Variants in RERE observed in about 807,000 individuals in gnomAD.
RERE encodes the protein arginine-glutamic acid dipeptide repeats protein.
RERE carries 40 observed loss-of-function variants against 146.1 expected under a neutral mutation model. That is an observed-to-expected ratio of 0.27 (90% confidence interval 0.21 to 0.36). The LOEUF (loss-of-function observed/expected upper bound fraction) is 0.36. Among genes scored for constraint, RERE ranks in the 10% least tolerant of loss-of-function variants. The pLI is 1.00. For missense variants in RERE, 1,933 were observed against 2,138.7 expected (o/e 0.90, Z 1.90); for synonymous variants, 1,003 against 866.0 (o/e 1.16, Z -2.78).
chr1:8,559,338 A>G, intron 4 of RERE, among the ~76,000 whole-genome samples: 1 of 150,896 alleles, frequency 6.6e-6, no homozygotes, highest in South Asian at 2.1e-4. Context: ...CAAAGTAAAT[A>G]ACATAAATAC....
chr1:8,403,569 C>T (rs1570154099), intron 12 of RERE, among the ~76,000 whole-genome samples: 3 of 151,090 alleles, frequency 2.0e-5, no homozygotes, highest in South Asian at 4.2e-4. Flanking sequence ...TTTCACCATG[C>T]TGGCCAGGCT....
intron 2 of RERE, among the ~76,000 whole-genome samples, chr1:8,649,264 A>G (rs1647478330): frequency 6.8e-6 from 1 of 146,630 alleles, no homozygotes; most frequent in Non-Finnish European, 1.5e-5. Context: ...GACAATATAC[A>G]ATAGAGCCCC....
chr1:8,550,671 C>T (rs1270314430), intron 6 of RERE, among the ~76,000 whole-genome samples: 1 of 152,172 alleles, frequency 6.6e-6, no homozygotes, highest in Non-Finnish European at 1.5e-5. Context: ...CTCAGTCTCC[C>T]TAGTACCTGG....
At chr1:8,739,906 C>A (rs372006964) in intron 1 of RERE, among the ~76,000 whole-genome samples, 3 of 151,346 alleles carry the variant, frequency 2.0e-5, no homozygotes, top group African/African-American at 7.3e-5. Flanking sequence ...TTAATCCCCC[C>A]GTCCAGTTTT....
rs200223487 is a variant in RERE at position 8,639,204 on chromosome 1, A to AT, written c.326-14825_326-14824insA. On this transcript the variant is annotated intron_variant, in intron 2 of 22. Coordinates refer to ENST00000400908, the MANE Select transcript of RERE (RefSeq NM_001042681.2). ...TTAATCATTACAGAAGCTAAGTTAGAGAAACAACACTGAAAAGGGTGCTGG... is the reference window on the plus strand; with the variant it reads ...TTAATCATTACAGAAGCTAAGTTAGATGAAACAACACTGAAAAGGGTGCTGG... Among the ~76,000 whole-genome samples the AT allele has an allele frequency of 8.9e-3, 1,359 of 152,302 alleles. 18 individuals are homozygous for AT. The highest frequency in any genetic ancestry group is 0.031 in the African/African-American group (1,303 of 41,566).
intron 4 of RERE, among the ~76,000 whole-genome samples, chr1:8,589,298 G>T (rs190030825): frequency 6.6e-6 from 1 of 152,082 alleles, no homozygotes; most frequent in Non-Finnish European, 1.5e-5. Flanking sequence ...AATGTATTCA[G>T]GTATGGTGGT....
chr1:8,505,167 C>G (rs1645233988), intron 8 of RERE, among the ~76,000 whole-genome samples: 1 of 152,146 alleles, frequency 6.6e-6, no homozygotes, highest in Non-Finnish European at 1.5e-5. Context: ...GATGTATCAA[C>G]CAACTGCAAT....
chr1:8,449,342 C>T (rs1001667559), intron 11 of RERE, among the ~76,000 whole-genome samples: 2 of 152,134 alleles, frequency 1.3e-5, no homozygotes, highest in East Asian at 1.9e-4. Context: ...AAGGGAACTC[C>T]GCCGGCTAGA....
Position 8,805,001 on chromosome 1 carries a change from GTTTTTGGTTTTTT to G in RERE, c.-145+12146_-145+12158del, listed in dbSNP as rs1391907435. On this transcript the variant is annotated intron_variant, in intron 1 of 22. Transcript: ENST00000400908. ...CAAATGATTTTTTTTGTTTTGTTTT[GTTTTTGGTTTTTT>G]TTTTTTTTTTTTTTGAGACAGAGTC... 7.8e-5 allele frequency among the ~76,000 whole-genome samples: 8 copies of G among 102,732 alleles called. No homozygotes were observed. In the Admixed American group the frequency reaches 7.8e-4, roughly 10 times the overall value. 67.4% of individuals were successfully genotyped at this position (102,732 alleles called of 152,430 possible). A position where few individuals can be genotyped will look rare whatever the true frequency, so the allele number is the denominator to read the frequency against.
At chr1:8,368,422 C>T (rs1357662366) in intron 12 of RERE, among the ~76,000 whole-genome samples, 3 of 149,806 alleles carry the variant, frequency 2.0e-5, no homozygotes, top group Non-Finnish European at 4.4e-5. Flanking sequence ...TGCAGTGAGC[C>T]GAGATCGTGC....
At chr1:8,536,055 G>A (rs1049167569) in intron 7 of RERE, among the ~76,000 whole-genome samples, 4 of 145,460 alleles carry the variant, frequency 2.7e-5, no homozygotes, top group South Asian at 2.2e-4. Context: ...GCAGTGAGCC[G>A]AGATCACACC....
intron 1 of RERE, among the ~76,000 whole-genome samples, chr1:8,816,466 C>A (rs1329580921): frequency 2.0e-5 from 3 of 152,174 alleles, no homozygotes; most frequent in African/African-American, 7.2e-5. Context: ...ATGAATCATT[C>A]TGTTTTCCTT....
chr1:8,359,924 G>A lies in RERE; in HGVS notation c.3458C>T (p.Pro1153Leu). Residue 1153 changes from proline to leucine, a missense_variant, in exon 19 of 23, where the codon CCT becomes CTT. Pro to Leu is a moderately conservative substitution (Grantham distance 98). Coordinates refer to ENST00000400908, the MANE Select transcript of RERE (RefSeq NM_001042681.2). The stretch of plus-strand genomic sequence containing the variant: ...CTTGGCCAGCTTGGACCCGGCCAGA[G>A]GCATGAAGTACAGGTCTGTCCGGGC... Reference protein sequence around the residue: ...SCARTDLYFMPLAGSKLAKKR... With the variant: ...SCARTDLYFMLLAGSKLAKKR... 1 of 1,613,444 alleles carries A rather than the reference G, an allele frequency of 6.2e-7. No homozygotes were observed. Among genetic ancestry groups the A allele is most frequent in the Non-Finnish European group, 8.5e-7 (1 of 1,180,032 alleles).
chr1:8,416,495 A>G (rs1040035200), intron 12 of RERE, among the ~76,000 whole-genome samples: 6 of 151,078 alleles, frequency 4.0e-5, no homozygotes, highest in Non-Finnish European at 7.4e-5. Context: ...CTGAGGCAGG[A>G]GAATGGCGTG....
chr1:8,592,784 C>T (rs1646510902), intron 4 of RERE, among the ~76,000 whole-genome samples: 1 of 152,096 alleles, frequency 6.6e-6, no homozygotes, highest in Non-Finnish European at 1.5e-5. Flanking sequence ...CAAACTTAAT[C>T]ATATTTGCGT....
intron 12 of RERE, among the ~76,000 whole-genome samples, chr1:8,416,034 C>T (rs1467252856): frequency 1.3e-5 from 2 of 152,156 alleles, no homozygotes; most frequent in Non-Finnish European, 1.5e-5. Context: ...ATAAGGAATG[C>T]CAATAAAAGA....
At chr1:8,677,002 C>T (rs1292505925) in intron 1 of RERE, among the ~76,000 whole-genome samples, 29 of 152,124 alleles carry the variant, frequency 1.9e-4, no homozygotes, top group Non-Finnish European at 2.9e-5. Flanking sequence ...TCCCCCTTGA[C>T]TCTCCAATAC....
chr1:8,552,473 T>G (rs919408453), intron 6 of RERE, among the ~76,000 whole-genome samples: 1 of 152,254 alleles, frequency 6.6e-6, no homozygotes, highest in Non-Finnish European at 1.5e-5. Context: ...TCCCTTTTCA[T>G]GTGCCCACAG....
At chr1:8,667,331 G>A (rs1421338440) in intron 1 of RERE, among the ~76,000 whole-genome samples, 1 of 152,132 alleles carries the variant, frequency 6.6e-6, no homozygotes, top group Non-Finnish European at 1.5e-5. Context: ...AAGATGAGGT[G>A]CCCCAGGAGG....
Sources: allele counts gnomAD v4.1 joint callset (sites outside exome capture counted in the v4.1 genomes callset), GRCh38; gene constraint gnomAD v4.1.1; transcripts MANE v1.5; gene names NCBI Gene and HGNC (gene_info 2026-07-23, HGNC 2026-07-21).